Variants in KBTBD12 observed in about 807,000 individuals in gnomAD.
KBTBD12 encodes the protein kelch repeat and BTB domain containing 12.
A neutral mutation model predicts 58.7 loss-of-function variants in KBTBD12; 53 were observed. The ratio of observed to expected loss-of-function variants is 0.90; its 90% confidence interval spans 0.72 to 1.14. The LOEUF is 1.14. Among genes scored for constraint, KBTBD12 ranks in the 50% most tolerant of loss-of-function variants. The probability of loss-of-function intolerance (pLI) is 0.00; values close to 1 mark genes in which losing one functional copy is unlikely to be tolerated. For missense variants in KBTBD12, 704 were observed against 751.3 expected (o/e 0.94, Z 0.74); for synonymous variants, 236 against 259.8 (o/e 0.91, Z 0.88).
chr3:127,940,423 T>C (rs983575198), intron 4 of KBTBD12, among the ~76,000 whole-genome samples: 9 of 152,152 alleles, frequency 5.9e-5, no homozygotes, highest in Admixed American at 1.3e-4. Context: ...TAAGGATAAC[T>C]GAATAGTCTT....
At chr3:127,978,084 G>T (rs1278281293) in intron 5 of KBTBD12, among the ~76,000 whole-genome samples, 1 of 152,180 alleles carries the variant, frequency 6.6e-6, no homozygotes, top group African/African-American at 2.4e-5. Flanking sequence ...TGAATAGAGA[G>T]TCCTTTCCCC....
At position 127,923,086 on chromosome 3, in the gene KBTBD12, GA is replaced by G. The variant is rs1442668188; in HGVS notation, c.30del (p.Lys10AsnfsTer6). MECKIEGKEKYQHSLNLLN... is the reference protein window; with the variant it reads MECKIEGKXKYQHSLNLLN... Reference sequence around the variant, plus strand: ...CATGGAGTGCAAGATTGAGGGAAAAGAAAAATACCAACATAGCTTGAATTTA... The same window carrying G: ...CATGGAGTGCAAGATTGAGGGAAAAGAAAATACCAACATAGCTTGAATTTA... On this transcript the variant is annotated frameshift_variant, in exon 2 of 6. Transcript: ENST00000405109. LOFTEE classifies it high-confidence loss of function. 6.2e-7 allele frequency: 1 copy of G among 1,608,758 alleles called. No individual in the cohort carries two copies. The highest frequency in any genetic ancestry group is 1.3e-5 in the African/African-American group (1 of 74,728).
intron 4 of KBTBD12, among the ~76,000 whole-genome samples, chr3:127,930,829 T>C (rs1276044899): frequency 6.6e-6 from 1 of 152,174 alleles, no homozygotes; most frequent in Admixed American, 6.5e-5. Context: ...CTAACAAGAA[T>C]TGGTAAAAGA....
At chr3:127,950,302 A>G (rs1406505905) in intron 4 of KBTBD12, among the ~76,000 whole-genome samples, 1 of 152,212 alleles carries the variant, frequency 6.6e-6, no homozygotes, top group Admixed American at 6.5e-5. Flanking sequence ...AGGAGATAGA[A>G]GGGCCCTAGG....
intron 5 of KBTBD12, among the ~76,000 whole-genome samples, chr3:127,983,026 G>A (rs1053385112): frequency 8.5e-5 from 13 of 152,212 alleles, no homozygotes; most frequent in South Asian, 2.1e-4. Flanking sequence ...GACTCCAGCC[G>A]TGCCTCCTCT....
At chr3:127,975,055 GT>G (rs949139062) in intron 5 of KBTBD12, among the ~76,000 whole-genome samples, 1 of 152,348 alleles carries the variant, frequency 6.6e-6, no homozygotes, top group South Asian at 2.1e-4. Flanking sequence ...AGTGCAAATA[GT>G]TTTTTGATGG....
chr3:127,972,418 G>A (rs577271835), intron 5 of KBTBD12, among the ~76,000 whole-genome samples: 3 of 151,424 alleles, frequency 2.0e-5, no homozygotes, highest in Non-Finnish European at 4.4e-5. Flanking sequence ...TCAGGGTTAA[G>A]AGCCTGGCTG....
intron 4 of KBTBD12, among the ~76,000 whole-genome samples, chr3:127,936,670 C>T (rs1407185866): frequency 6.6e-6 from 1 of 152,126 alleles, no homozygotes. Flanking sequence ...AAATTGTAAG[C>T]TTTAGTTTCC....
At chr3:127,965,771 G>C (rs1940551680) in intron 5 of KBTBD12, among the ~76,000 whole-genome samples, 1 of 152,136 alleles carries the variant, frequency 6.6e-6, no homozygotes, top group Non-Finnish European at 1.5e-5. Context: ...CCACTAAAAT[G>C]ACAGTAAGTC....
intron 3 of KBTBD12, among the ~76,000 whole-genome samples, chr3:127,929,375 A>T (rs555862034): frequency 6.6e-6 from 1 of 152,294 alleles, no homozygotes; most frequent in South Asian, 2.1e-4. Flanking sequence ...TTTGTTGAAC[A>T]CTTGTATCCC....
At chr3:127,917,845 AAAC>A (rs1194377062) in intron 1 of KBTBD12, among the ~76,000 whole-genome samples, 1 of 152,244 alleles carries the variant, frequency 6.6e-6, no homozygotes, top group Non-Finnish European at 1.5e-5. Flanking sequence ...ATTTAGGACT[AAAC>A]AAAGCATTAA....
chr3:127,955,295 G>A (rs181299797), intron 4 of KBTBD12, among the ~76,000 whole-genome samples: 1 of 152,120 alleles, frequency 6.6e-6, no homozygotes, highest in African/African-American at 2.4e-5. Flanking sequence ...ACCATTTTGT[G>A]CCTCATTGGT....
Position 127,924,700 on chromosome 3 carries a change from T to A in KBTBD12, c.1070+569T>A, listed in dbSNP as rs1446450585. Among the ~76,000 whole-genome samples the A allele has an allele frequency of 2.6e-5, 4 of 152,192 alleles. No homozygotes were observed. The East Asian group carries it at 7.7e-4, about 29-fold the overall frequency. On this transcript the variant is annotated intron_variant, in intron 2 of 5. Coordinates refer to ENST00000405109, the MANE Select transcript of KBTBD12 (RefSeq NM_207335.4). The stretch of plus-strand genomic sequence containing the variant: ...ATAAATTACTAATAATCTGTCAGTT[T>A]TCATTCTATGTCCTTAATTTGTGGA...
At chr3:127,946,096 C>T (rs13095027) in intron 4 of KBTBD12, among the ~76,000 whole-genome samples, 1 of 152,004 alleles carries the variant, frequency 6.6e-6, no homozygotes, top group Admixed American at 6.5e-5. Context: ...AACCTGACAA[C>T]AGTTTAATTT....
chr3:127,915,603 C>T lies in KBTBD12; in HGVS notation c.-113+17C>T, dbSNP rs950666277. ...AGCACCTTCGTAAGTAGGGGTAGCGCCCCGGGGGAACGCGGCCCCCAGTCA... is the reference window on the plus strand; with the variant it reads ...AGCACCTTCGTAAGTAGGGGTAGCGTCCCGGGGGAACGCGGCCCCCAGTCA... On this transcript the variant is annotated intron_variant, in intron 1 of 5. Coordinates refer to ENST00000405109, the MANE Select transcript of KBTBD12 (RefSeq NM_207335.4). The T allele has an allele frequency of 1.3e-5, 2 of 152,288 alleles. No individual in the cohort carries two copies. The highest frequency in any genetic ancestry group is 2.4e-5 in the African/African-American group (1 of 41,466). The allele number at this position is 152,288 out of a possible 1,614,324, so 9.4% of individuals were successfully genotyped here.
intron 4 of KBTBD12, among the ~76,000 whole-genome samples, chr3:127,953,115 A>G (rs1157338775): frequency 2.0e-5 from 3 of 152,252 alleles, no homozygotes; most frequent in Non-Finnish European, 2.9e-5. Context: ...TATTATGCCA[A>G]ATGCTGAACA....
chr3:127,972,671 AAGGTT>A (rs2107614907), intron 5 of KBTBD12, among the ~76,000 whole-genome samples: 1 of 152,328 alleles, frequency 6.6e-6, no homozygotes, highest in Non-Finnish European at 1.5e-5. Flanking sequence ...ATTGCAAGGT[AAGGTT>A]CAGATATCCT....
At chr3:127,922,476 G>T (rs1449930575) in intron 1 of KBTBD12, among the ~76,000 whole-genome samples, 4 of 152,044 alleles carry the variant, frequency 2.6e-5, no homozygotes, top group African/African-American at 9.7e-5. Flanking sequence ...CTCTTCCAGG[G>T]TATATTGTAC....
chr3:127,963,693 G>A (rs971053626), intron 5 of KBTBD12: 3 of 253,342 alleles, frequency 1.2e-5, no homozygotes, highest in African/African-American at 2.2e-5. Flanking sequence ...TACTTGGGTG[G>A]GAGAATTAAA....
Sources: gnomAD v4.1 joint callset for allele counts (sites outside exome capture counted in the v4.1 genomes callset) on GRCh38, gnomAD v4.1.1 for gene constraint, MANE v1.5 for transcripts, NCBI Gene and HGNC (gene_info 2026-07-23, HGNC 2026-07-21) for gene names.